The following SEMA7A variants were observed in gnomAD, a reference collection of about 807,000 sequenced individuals.
SEMA7A encodes semaphorin-7A.
SEMA7A carries 21 observed loss-of-function variants against 67.5 expected under a neutral mutation model. The ratio of observed to expected loss-of-function variants is 0.31; its 90% CI spans 0.22 to 0.45. The LOEUF (loss-of-function observed/expected upper bound fraction) is 0.45. Among genes scored for constraint, SEMA7A ranks in the 20% least tolerant of loss-of-function variants. The pLI is 1.00. For missense variants in SEMA7A, 774 were observed against 908.6 expected, an observed-to-expected ratio of 0.85 and a Z score of 1.90; for synonymous variants, 364 against 368.5, an observed-to-expected ratio of 0.99 and a Z score of 0.14.
rs779124919 is a variant in SEMA7A at position 74,414,654 on chromosome 15, G to A, written c.1187C>T (p.Pro396Leu). The A allele has an allele frequency of 1.4e-5, 23 of 1,614,034 alleles. No homozygotes were observed. In the South Asian group the frequency reaches 2.5e-4, roughly 18 times the overall value. ...AGAGTGGAACAATGGCGTCTTCAGA[G>A]GCCCCATGGGCTCCACCCTCTGCGC... Reference protein sequence around the residue: ...EVAQRVEPMGPLKTPLFHSKY... With the variant: ...EVAQRVEPMGLLKTPLFHSKY... The change falls in exon 10 of 14, where the codon CCT becomes CTT. Residue 396 changes from proline to leucine, a missense_variant. Pro to Leu is a moderately conservative substitution (Grantham distance 98, BLOSUM62 -3). Coordinates refer to ENST00000261918, the MANE Select transcript of SEMA7A (RefSeq NM_003612.5). The surrounding 1 kb of genome is among the most constrained non-coding windows in gnomAD (Gnocchi z 4.1).
rs1482275891 is a variant in SEMA7A, at chr15:74,409,724, T to C, written c.*900A>G. On this transcript the variant is annotated 3_prime_UTR_variant, in exon 14 of 14. Coordinates refer to ENST00000261918, the MANE Select transcript of SEMA7A (RefSeq NM_003612.5). ...AACTAGGGCTCAGTTTTCTCCTTCA[T>C]TCTCCCGTTTCCCTCACCCCACCCC... 1 of 150,222 alleles carries C rather than the reference T, an allele frequency of 6.7e-6. No individual in the cohort carries two copies. The highest frequency in any genetic ancestry group is 1.5e-5 in the Non-Finnish European group (1 of 67,746). The allele number at this position is 150,222 out of a possible 1,614,324, so 9.3% of individuals were successfully genotyped here. A position where few individuals can be genotyped will look rare whatever the true frequency, so the allele number is the denominator to read the frequency against.
chr15:74,427,247 G>A (rs1016235915), intron 1 of SEMA7A: 49 of 985,298 alleles, frequency 5.0e-5, no homozygotes, highest in African/African-American at 8.7e-5. Flanking sequence ...CTGAAGGTGA[G>A]GACCAGGCTT....
chr15:74,414,814 G>A lies in SEMA7A; in HGVS notation c.1095+24C>T. On this transcript the variant is annotated intron_variant, in intron 9 of 13. Coordinates refer to ENST00000261918, the MANE Select transcript of SEMA7A (RefSeq NM_003612.5). This position sits in a 1 kb window ranked among gnomAD's most constrained non-coding sequence, Gnocchi z 4.1. ...TGAGGCAGAAGGAGGGCTGGGCCTG[G>A]GCCACGGCTGGTGTCACGCTCACCT... 1 of 1,613,938 alleles carries A rather than the reference G, an allele frequency of 6.2e-7. No homozygotes were observed. Among genetic ancestry groups the A allele is most frequent in the Non-Finnish European group, 8.5e-7 (1 of 1,179,822 alleles).
intron 1 of SEMA7A, among the ~76,000 whole-genome samples, chr15:74,419,523 C>T (rs1358221761): frequency 6.6e-6 from 1 of 152,178 alleles, no homozygotes; most frequent in African/African-American, 2.4e-5. Flanking sequence ...ATCCCCAGCC[C>T]CTTAGTGAGC....
chr15:74,410,748 T>G lies in SEMA7A; in HGVS notation c.1877A>C (p.His626Pro), dbSNP rs1392358977. The change falls in exon 14 of 14, where the codon CAC (histidine) becomes CCC (proline). Residue 626 changes from histidine to proline, a missense_variant. By Grantham distance (77) the His-to-Pro change is moderately conservative (BLOSUM62 -2). Transcript: ENST00000261918. This position sits in a 1 kb window ranked among gnomAD's most constrained non-coding sequence, Gnocchi z 7.5. ...QEGSYFREAQ[H>P]WQLLPEDGIM... ...GCCGTCCTCGGGCAGCAGCTGCCAG[T>G]GCTGAGCCTCGCGGAAGTAGGAGCC... 6.2e-7 allele frequency: 1 copy of G among 1,614,052 alleles called. No individual in the cohort carries two copies. The highest frequency in any genetic ancestry group is 8.5e-7 in the Non-Finnish European group (1 of 1,180,014).
chr15:74,420,581 A>C (rs1333654301), intron 1 of SEMA7A, among the ~76,000 whole-genome samples: 1 of 152,172 alleles, frequency 6.6e-6, no homozygotes, highest in East Asian at 1.9e-4. Flanking sequence ...TGTGCAGAGC[A>C]AGGGCTGAGA....
intron 10 of SEMA7A, among the ~76,000 whole-genome samples, chr15:74,412,753 T>C (rs1044706875): frequency 5.3e-5 from 8 of 151,580 alleles, no homozygotes; most frequent in Admixed American, 5.3e-4. Context: ...ATTTCACTAG[T>C]TTTTCCACAA....
rs569466864 is a variant in SEMA7A at position 74,411,056 on chromosome 15, C to T, written c.1640-71G>A. On this transcript the variant is annotated intron_variant, in intron 13 of 13. Transcript: ENST00000261918. This position sits in a 1 kb window ranked among gnomAD's most constrained non-coding sequence, Gnocchi z 4.4. ...CCCAGGGGAGGATGTGTCCTCCCCA[C>T]GGACTGGGATCCCAGGACAAGGCTT... The T allele has an allele frequency of 1.5e-5, 23 of 1,536,800 alleles. No individual in the cohort carries two copies. Among genetic ancestry groups the T allele is most frequent in the African/African-American group, 1.1e-4 (8 of 72,998 alleles).
chr15:74,430,771 G>T (rs973975261), intron 1 of SEMA7A, among the ~76,000 whole-genome samples: 13 of 152,198 alleles, frequency 8.5e-5, no homozygotes, highest in Non-Finnish European at 1.5e-5. Context: ...AAGGGGGCAA[G>T]GATTTCCACT....
In SEMA7A at chr15:74,415,983, C is replaced by T; in HGVS notation, c.804G>A (p.Gly268=). The part of the protein sequence containing the change: ...NVSRVAQLCR[G]DQGGESSLSV... ...ACAGTGAACTTTCCCCACCCTGGTCCCCCTGGAAGGGTAGAGGGGAGAAGA... is the reference window on the plus strand; with the variant it reads ...ACAGTGAACTTTCCCCACCCTGGTCTCCCTGGAAGGGTAGAGGGGAGAAGA... The change falls in exon 8 of 14, where the codon GGG becomes GGA. Residue 268 remains glycine (G), a splice_region_variant and synonymous_variant. Coordinates refer to ENST00000261918, the MANE Select transcript of SEMA7A (RefSeq NM_003612.5). 6.2e-7 allele frequency: 1 copy of T among 1,613,884 alleles called. No homozygotes were observed. The highest frequency in any genetic ancestry group is 8.5e-7 in the Non-Finnish European group (1 of 1,179,858).
chr15:74,412,124 A>T (rs1204289085), intron 10 of SEMA7A, 112 bp from the exon 11 acceptor site: 1 of 1,335,174 alleles, frequency 7.5e-7, no homozygotes. Context: ...GGGTCACAGG[A>T]CTGGTGTGGG....
intron 1 of SEMA7A, among the ~76,000 whole-genome samples, chr15:74,429,648 C>A (rs976291244): frequency 6.6e-6 from 1 of 152,228 alleles, no homozygotes; most frequent in Non-Finnish European, 1.5e-5. Context: ...GGCCCTTCTC[C>A]AGTGGGTGCG....
rs28362903 is a variant in SEMA7A at position 74,419,743 on chromosome 15, C to T, written c.179-791G>A. Reference sequence around the variant, plus strand: ...TTCACCCATGAGGATGCTAGCTCTCCGGGGGGTGAAGATCGGCTCTTCCTC... The same window carrying T: ...TTCACCCATGAGGATGCTAGCTCTCTGGGGGGTGAAGATCGGCTCTTCCTC... On this transcript the variant is annotated intron_variant, in intron 1 of 13. Coordinates refer to ENST00000261918, the MANE Select transcript of SEMA7A (RefSeq NM_003612.5). Among the ~76,000 whole-genome samples the T allele has an allele frequency of 6.2e-3, 942 of 152,232 alleles. 10 individuals carry two copies. Among genetic ancestry groups the T allele is most frequent in the African/African-American group, 0.022 (909 of 41,546 alleles).
chr15:74,424,781 G>A (rs1001647669), intron 1 of SEMA7A, among the ~76,000 whole-genome samples: 2 of 152,198 alleles, frequency 1.3e-5, no homozygotes, highest in African/African-American at 2.4e-5. Context: ...CCACGCCCAG[G>A]GAAGGCCGGA....
At chr15:74,427,070 C>T (rs1215980206) in intron 1 of SEMA7A, 2 of 290,974 alleles carry the variant, frequency 6.9e-6, no homozygotes, top group Admixed American at 6.5e-5. Context: ...GCACATGGAT[C>T]TTACCTGTCC....
At chr15:74,418,522 G>C (rs1474305246) in intron 2 of SEMA7A, among the ~76,000 whole-genome samples, 2 of 152,200 alleles carry the variant, frequency 1.3e-5, no homozygotes, top group Admixed American at 1.3e-4. Flanking sequence ...AGAAGACCAG[G>C]CATGGGCTCT....
In SEMA7A at chr15:74,433,932, G is replaced by C. The variant is rs990371004; in HGVS notation, c.-14C>G. Reference sequence around the variant, plus strand: ...AGGAGGCGTCATCCCGTGGCCCCGGGAGCGACAGCGGCAATCAGCCGAGAC... The same window carrying C: ...AGGAGGCGTCATCCCGTGGCCCCGGCAGCGACAGCGGCAATCAGCCGAGAC... On this transcript the variant is annotated 5_prime_UTR_variant, in exon 1 of 14. Coordinates refer to ENST00000261918, the MANE Select transcript of SEMA7A (RefSeq NM_003612.5). 3.2e-6 allele frequency: 4 copies of C among 1,243,298 alleles called. No individual in the cohort carries two copies. The South Asian group carries it at 1.1e-4, about 33-fold the overall frequency. 77.0% of individuals were successfully genotyped at this position (1,243,298 alleles called of 1,614,324 possible).
intron 10 of SEMA7A, among the ~76,000 whole-genome samples, chr15:74,412,952 A>G (rs2060914739): frequency 6.6e-6 from 1 of 152,186 alleles, no homozygotes; most frequent in African/African-American, 2.4e-5. Flanking sequence ...TTAGGGACCA[A>G]TGGGCACCCT....
intron 8 of SEMA7A, 147 bp from the exon 9 acceptor site, chr15:74,415,093 A>G (rs1178622314): frequency 7.4e-6 from 5 of 674,406 alleles, no homozygotes; most frequent in Non-Finnish European, 1.3e-5. Context: ...AGAGGAGTTC[A>G]GCCTAATTTC....
Sources: allele counts gnomAD v4.1 joint callset (sites outside exome capture counted in the v4.1 genomes callset), GRCh38; gene constraint gnomAD v4.1.1; non-coding constraint Gnocchi (gnomAD v3.1); transcripts MANE v1.5; gene names NCBI Gene and HGNC (gene_info 2026-07-23, HGNC 2026-07-21).